The following TMEM232 variants were observed in gnomAD, a reference collection of about 807,000 sequenced individuals.
TMEM232 encodes the protein transmembrane protein 232.
TMEM232 carries 80 observed loss-of-function variants against 78.8 expected under a neutral mutation model. That is an observed-to-expected ratio of 1.01 (90% CI 0.85 to 1.22). The LOEUF is 1.22. Among genes scored for constraint, TMEM232 ranks in the 50% most tolerant of loss-of-function variants. The probability of loss-of-function intolerance (pLI) is 0.00; values close to 1 mark genes in which losing one functional copy is unlikely to be tolerated. For missense variants in TMEM232, 881 were observed against 742.2 expected (o/e 1.19, Z -2.17); for synonymous variants, 297 against 254.3 (o/e 1.17, Z -1.60).
chr5:110,475,654 CAAG>C (rs1386010766), intron 12 of TMEM232, among the ~76,000 whole-genome samples: 1 of 151,712 alleles, frequency 6.6e-6, no homozygotes, highest in Non-Finnish European at 1.5e-5. Context: ...GCTATAAGTA[CAAG>C]GAGGCCAAAG....
chr5:110,693,535 C>A (rs1434305571), intron 1 of TMEM232, among the ~76,000 whole-genome samples: 1 of 152,086 alleles, frequency 6.6e-6, no homozygotes, highest in Non-Finnish European at 1.5e-5. Context: ...CAACCAATGG[C>A]AAAGAAGTTA....
chr5:110,466,478 T>C (rs1162391142), intron 12 of TMEM232, among the ~76,000 whole-genome samples: 1 of 152,180 alleles, frequency 6.6e-6, no homozygotes, highest in Non-Finnish European at 1.5e-5. Flanking sequence ...ATTGTGAACA[T>C]TTTGTTTTCC....
chr5:110,626,755 A>G (rs1298550395), intron 6 of TMEM232, among the ~76,000 whole-genome samples: 1 of 152,040 alleles, frequency 6.6e-6, no homozygotes, highest in Non-Finnish European at 1.5e-5. Context: ...TCCCAAGATC[A>G]GCAGTGATTT....
chr5:110,528,876 T>C, intron 11 of TMEM232, 41 bp from the exon 12 acceptor site: 1 of 1,277,616 alleles, frequency 7.8e-7, no homozygotes, highest in East Asian at 3.0e-5. Flanking sequence ...GAAACAGGAT[T>C]AAATGGGAGA....
chr5:110,485,141 G>A (rs758957134), intron 12 of TMEM232, among the ~76,000 whole-genome samples: 27 of 151,952 alleles, frequency 1.8e-4, no homozygotes, highest in Non-Finnish European at 3.1e-4. Flanking sequence ...CAGAAGAAAA[G>A]AAGTCATTTT....
chr5:110,638,486 CTCT>C, intron 4 of TMEM232, 131 bp from the exon 5 acceptor site: 1 of 864,662 alleles, frequency 1.2e-6, no homozygotes, highest in Non-Finnish European at 1.7e-6. Flanking sequence ...TTTACAAATT[CTCT>C]TTGACACCTT....
intron 1 of TMEM232, among the ~76,000 whole-genome samples, chr5:110,669,934 C>A (rs534655535): frequency 1.5e-4 from 23 of 152,200 alleles, no homozygotes; most frequent in African/African-American, 5.3e-4. Flanking sequence ...TTCAACAACC[C>A]TTCATGCTAA....
intron 1 of TMEM232, among the ~76,000 whole-genome samples, chr5:110,671,824 C>T (rs1231758366): frequency 6.6e-6 from 1 of 152,080 alleles, no homozygotes; most frequent in East Asian, 1.9e-4. Context: ...CAGCAAACCA[C>T]CATGGCATGT....
chr5:110,494,562 C>T (rs1765445052), intron 12 of TMEM232, among the ~76,000 whole-genome samples: 1 of 151,992 alleles, frequency 6.6e-6, no homozygotes, highest in Non-Finnish European at 1.5e-5. Context: ...TAAATTTATA[C>T]ATGCATATAT....
chr5:110,564,716 C>T (rs1776135363), intron 11 of TMEM232, among the ~76,000 whole-genome samples: 1 of 151,880 alleles, frequency 6.6e-6, no homozygotes, highest in Non-Finnish European at 1.5e-5. Context: ...CAAAACAGAA[C>T]AATTACTCTT....
chr5:110,664,110 A>G (rs968847536), intron 2 of TMEM232, among the ~76,000 whole-genome samples: 1 of 152,154 alleles, frequency 6.6e-6, no homozygotes, highest in African/African-American at 2.4e-5. Flanking sequence ...ACTGCACTCC[A>G]GCCTGGGAGA....
intron 11 of TMEM232, among the ~76,000 whole-genome samples, chr5:110,543,507 C>G (rs1773419038): frequency 6.6e-6 from 1 of 152,170 alleles, no homozygotes; most frequent in Non-Finnish European, 1.5e-5. Context: ...CTACCACTTG[C>G]CAGTCATCAA....
At chr5:110,634,746 AC>A (rs1229807549) in intron 5 of TMEM232, among the ~76,000 whole-genome samples, 2 of 152,094 alleles carry the variant, frequency 1.3e-5, no homozygotes, top group African/African-American at 4.8e-5. Flanking sequence ...CATCAAAAAA[AC>A]AGAAAGATTT....
At chr5:110,711,844 C>G (rs556871824) in intron 1 of TMEM232, among the ~76,000 whole-genome samples, 1 of 152,018 alleles carries the variant, frequency 6.6e-6, no homozygotes, top group Non-Finnish European at 1.5e-5. Flanking sequence ...TGGTGGCTCA[C>G]GCCTGTAATC....
rs545394173 is a variant in TMEM232, at chr5:110,487,053, G to T, written c.1703+41535C>A. 7.3e-5 allele frequency among the ~76,000 whole-genome samples: 11 copies of T among 150,406 alleles called. No homozygotes were observed. The South Asian group carries it at 2.3e-3, about 31-fold the overall frequency. On this transcript the variant is annotated intron_variant, in intron 12 of 13. Coordinates refer to ENST00000455884, the MANE Select transcript of TMEM232 (RefSeq NM_001039763.4). Reference sequence around the variant, plus strand: ...CCTCCTTGGTTAGGTATATTCCTAAGAATTTTTTTTTTGTAGCTATTGTAA... The same window carrying T: ...CCTCCTTGGTTAGGTATATTCCTAATAATTTTTTTTTTGTAGCTATTGTAA...
At chr5:110,614,747 A>G (rs1277895071) in intron 8 of TMEM232, among the ~76,000 whole-genome samples, 2 of 151,976 alleles carry the variant, frequency 1.3e-5, no homozygotes, top group Non-Finnish European at 2.9e-5. Context: ...GAGTTTTCCA[A>G]GGGCTTACGT....
intron 2 of TMEM232, among the ~76,000 whole-genome samples, chr5:110,659,476 C>T (rs1029556842): frequency 1.3e-5 from 2 of 152,056 alleles, no homozygotes; most frequent in Admixed American, 1.3e-4. Flanking sequence ...GGGAGAGAAG[C>T]TAATGCAAAG....
chr5:110,427,379 TCA>T (rs1346872548), intron 12 of TMEM232, among the ~76,000 whole-genome samples: 1 of 151,932 alleles, frequency 6.6e-6, no homozygotes, highest in East Asian at 1.9e-4. Context: ...TCAAAAGAAT[TCA>T]GAGGAAAAAG....
intron 10 of TMEM232, among the ~76,000 whole-genome samples, chr5:110,575,756 C>T (rs1777506626): frequency 6.6e-6 from 1 of 151,920 alleles, no homozygotes; most frequent in South Asian, 2.1e-4. Context: ...AATGTGTGAC[C>T]CTGGGAAACC....
Sources: allele counts gnomAD v4.1 joint callset (sites outside exome capture counted in the v4.1 genomes callset), GRCh38; gene constraint gnomAD v4.1.1; transcripts MANE v1.5; gene names NCBI Gene and HGNC (gene_info 2026-07-23, HGNC 2026-07-21).